The following CAMTA1 variants were observed in gnomAD, a reference collection of about 807,000 sequenced individuals.
The protein encoded by CAMTA1 is calmodulin-binding transcription activator 1.
A neutral mutation model predicts 170.9 loss-of-function variants in CAMTA1; 27 were observed. The observed-to-expected ratio is 0.16, with a 90% CI of 0.12 to 0.22. CAMTA1 has a LOEUF of 0.22. Ranked by LOEUF, CAMTA1 falls within the 10% of genes least tolerant of loss-of-function variation. The pLI, the probability that CAMTA1 is intolerant of heterozygous loss-of-function variation, is 1.00. For synonymous variants in CAMTA1, 833 were observed against 891.5 expected (o/e 0.93, Z 1.17); for missense variants, 1,619 against 2,217.2 (o/e 0.73, Z 5.42).
At position 7,309,283 on chromosome 1, in the gene CAMTA1, GA is replaced by G. The variant is rs1375305801; in HGVS notation, c.438+59661del. Among the ~76,000 whole-genome samples the G allele has an allele frequency of 5.1e-3, 630 of 122,704 alleles. 15 individuals are homozygous for G. Among genetic ancestry groups the G allele is most frequent in the East Asian group, 0.031 (117 of 3,748 alleles). The allele number at this position is 122,704 out of a possible 152,430, so 80.5% of individuals were successfully genotyped here. Reference sequence around the variant, plus strand: ...CTCTGTCTTTTCATTATTGCAGTTAGAAAATTTTTTTTTTTTTTTTTTTTTT... The same window carrying G: ...CTCTGTCTTTTCATTATTGCAGTTAGAAATTTTTTTTTTTTTTTTTTTTTT... On this transcript the variant is annotated intron_variant, in intron 5 of 22. Transcript: ENST00000303635.
rs575175446 is a variant in CAMTA1, at chr1:7,234,874, C to T, written c.303-14617C>T. 6.6e-6 allele frequency among the ~76,000 whole-genome samples: 1 copy of T among 151,026 alleles called. No individual in the cohort carries two copies. Among genetic ancestry groups the T allele is most frequent in the East Asian group, 2.0e-4 (1 of 5,092 alleles). On this transcript the variant is annotated intron_variant, in intron 4 of 22. Transcript: ENST00000303635. The surrounding 1 kb of genome is among the most constrained non-coding windows in gnomAD (Gnocchi z 5.0). ...TGATCATAGCTCACTGCAACCTCCA[C>T]TTCCCAGGTTCAAGCGATTCTTGCA...
At position 7,665,354 on chromosome 1, in the gene CAMTA1, C is replaced by T. The variant is rs4908672; in HGVS notation, c.2652+155C>T. Among the ~76,000 whole-genome samples the T allele has an allele frequency of 0.33, 49,551 of 152,044 alleles. 8,634 individuals carry two copies. Among genetic ancestry groups the T allele is most frequent in the Non-Finnish European group, 0.39 (26,291 of 67,960 alleles). ...CTTTCCCCTCCTTGTGTCCCCACGG[C>T]GCTTGAACACCTCCGTCTTTCACGC... On this transcript the variant is annotated intron_variant, in intron 9 of 22. Coordinates refer to ENST00000303635, the MANE Select transcript of CAMTA1 (RefSeq NM_015215.4). This position sits in a 1 kb window ranked among gnomAD's most constrained non-coding sequence, Gnocchi z 4.3.
At chr1:7,358,534 C>T (rs1168072360) in intron 5 of CAMTA1, among the ~76,000 whole-genome samples, 1 of 144,168 alleles carries the variant, frequency 6.9e-6, no homozygotes, top group Non-Finnish European at 1.5e-5. Context: ...TCCAGCGTCC[C>T]TGCATGCCCC....
At chr1:7,350,396 A>G (rs1223193510) in intron 5 of CAMTA1, among the ~76,000 whole-genome samples, 2 of 152,202 alleles carry the variant, frequency 1.3e-5, no homozygotes, top group African/African-American at 2.4e-5. Context: ...GTGCACAGTC[A>G]CATAGTTGCA....
In CAMTA1 at chr1:7,011,000, G is replaced by A. The variant is rs746917383; in HGVS notation, c.235-80304G>A. On this transcript the variant is annotated intron_variant, in intron 3 of 22. Transcript: ENST00000303635. The surrounding 1 kb of genome is among the most constrained non-coding windows in gnomAD (Gnocchi z 4.4). The stretch of plus-strand genomic sequence containing the variant: ...TCCAGCCCTGATCTCTGGGGCAAAT[G>A]AATGTTCCAACCCCAAACATCCCCA... Among the ~76,000 whole-genome samples, 1 of 152,160 alleles carries A rather than the reference G, an allele frequency of 6.6e-6. No individual in the cohort carries two copies. Among genetic ancestry groups the A allele is most frequent in the African/African-American group, 2.4e-5 (1 of 41,450 alleles).
At chr1:6,989,532 G>A (rs981427884) in intron 3 of CAMTA1, among the ~76,000 whole-genome samples, 8 of 152,188 alleles carry the variant, frequency 5.3e-5, no homozygotes, top group Admixed American at 5.2e-4. Context: ...GGAATTGAAA[G>A]TTTTTTTTCC....
chr1:7,381,506 A>G (rs1297934045), intron 5 of CAMTA1, among the ~76,000 whole-genome samples: 2 of 151,806 alleles, frequency 1.3e-5, no homozygotes, highest in African/African-American at 2.4e-5. Context: ...ATGGCTGCAT[A>G]GTATTCCATG....
intron 3 of CAMTA1, among the ~76,000 whole-genome samples, chr1:7,021,251 A>C (rs1213578859): frequency 6.6e-6 from 1 of 152,188 alleles, no homozygotes; most frequent in Admixed American, 6.5e-5. Context: ...GCAGTGAAAA[A>C]TGGGGCGGTG....
intron 5 of CAMTA1, among the ~76,000 whole-genome samples, chr1:7,267,562 T>G (rs1363863688): frequency 1.3e-5 from 2 of 152,190 alleles, no homozygotes; most frequent in African/African-American, 4.8e-5. Flanking sequence ...GCCTGTGACA[T>G]ACTCCATATT....
rs1641666326 is a variant in CAMTA1, at chr1:7,093,042, A to G, written c.302+1671A>G. Reference sequence around the variant, plus strand: ...GAGTGGGGGCAGGGGTGGGCGGTGGAGAGGATGGGAATACAGTGCACTATT... The same window carrying G: ...GAGTGGGGGCAGGGGTGGGCGGTGGGGAGGATGGGAATACAGTGCACTATT... On this transcript the variant is annotated intron_variant, in intron 4 of 22. Transcript: ENST00000303635. The surrounding 1 kb of genome is among the most constrained non-coding windows in gnomAD (Gnocchi z 4.6). Among the ~76,000 whole-genome samples the G allele has an allele frequency of 2.0e-5, 3 of 152,150 alleles. No homozygotes were observed. Among genetic ancestry groups the G allele is most frequent in the African/African-American group, 4.8e-5 (2 of 41,432 alleles).
Position 6,835,235 on chromosome 1 carries a change from T to G in CAMTA1, c.234+10025T>G, listed in dbSNP as rs148532271. Among the ~76,000 whole-genome samples, 39 of 152,338 alleles carry G rather than the reference T, an allele frequency of 2.6e-4. No individual in the cohort carries two copies. The South Asian group carries it at 2.9e-3, about 11-fold the overall frequency. On this transcript the variant is annotated intron_variant, in intron 3 of 22. Coordinates refer to ENST00000303635, the MANE Select transcript of CAMTA1 (RefSeq NM_015215.4). ...TGTTAAGGTGCAAATGAGGATCCAG[T>G]TTGGGCCCACATTTTTCTAAGTTGG...
In CAMTA1 at chr1:6,990,819, ATT is replaced by A. The variant is rs1219409232; in HGVS notation, c.235-100483_235-100482del. 2.3e-3 allele frequency among the ~76,000 whole-genome samples: 326 copies of A among 138,908 alleles called. 1 individual carries two copies. Among genetic ancestry groups the A allele is most frequent in the African/African-American group, 7.8e-3 (281 of 36,106 alleles). 91.1% of individuals were successfully genotyped at this position (138,908 alleles called of 152,430 possible). A position where few individuals can be genotyped will look rare whatever the true frequency, so the allele number is the denominator to read the frequency against. On this transcript the variant is annotated intron_variant, in intron 3 of 22. Transcript: ENST00000303635. ...TCTCTCTCTCTCTATATATATATAT[ATT>A]TATATATATATGTGTGTGTGTGTTT...
chr1:7,157,916 T>C (rs6656467), intron 4 of CAMTA1, among the ~76,000 whole-genome samples: 50,043 of 151,906 alleles, frequency 0.33, 8,675 homozygotes, highest in African/African-American at 0.44. Context: ...TCCCAGCACT[T>C]TGGGAGGCCG....
Position 7,436,957 on chromosome 1 carries a change from G to C in CAMTA1, c.439-30873G>C, listed in dbSNP as rs190051724. ...AGCTGTGGGCAAAGCCTGCACGTTGGGGGGAATGGCAGGGCACAGCGGCAT... is the reference window on the plus strand; with the variant it reads ...AGCTGTGGGCAAAGCCTGCACGTTGCGGGGAATGGCAGGGCACAGCGGCAT... On this transcript the variant is annotated intron_variant, in intron 5 of 22. Transcript: ENST00000303635. 1.8e-4 allele frequency among the ~76,000 whole-genome samples: 27 copies of C among 152,252 alleles called. No individual in the cohort carries two copies. The East Asian group carries it at 2.1e-3, about 12-fold the overall frequency.
At chr1:6,849,005 T>C (rs1033753120) in intron 3 of CAMTA1, among the ~76,000 whole-genome samples, 1 of 152,204 alleles carries the variant, frequency 6.6e-6, no homozygotes, top group Admixed American at 6.5e-5. Context: ...GTTGCCCCTG[T>C]GGGAAAGGGT....
chr1:7,206,451 ACTGATTT>A (rs1657750441), intron 4 of CAMTA1, among the ~76,000 whole-genome samples: 1 of 152,144 alleles, frequency 6.6e-6, no homozygotes, highest in South Asian at 2.1e-4. Flanking sequence ...TCTTTGTAGT[ACTGATTT>A]CTGAGTGCCA....
rs145683920 is a variant in CAMTA1, at chr1:7,567,549, G to A, written c.511-72851G>A. 2.1e-3 allele frequency among the ~76,000 whole-genome samples: 317 copies of A among 152,342 alleles called. 2 individuals carry two copies. Among genetic ancestry groups the A allele is most frequent in the African/African-American group, 7.5e-3 (312 of 41,576 alleles). On this transcript the variant is annotated intron_variant, in intron 6 of 22. Transcript: ENST00000303635. ...GGATGGGAGACGTGCTTTGGAGACA[G>A]GCCAATAGGCCCAACCCCTGTGCCA...
chr1:7,480,047 G>C (rs1020720310), intron 6 of CAMTA1, among the ~76,000 whole-genome samples: 4 of 151,800 alleles, frequency 2.6e-5, no homozygotes, highest in African/African-American at 9.7e-5. Context: ...GTCCATGTGT[G>C]AGTCCGTATG....
Position 7,672,642 on chromosome 1 carries a change from G to A in CAMTA1, c.2779+1605G>A, listed in dbSNP as rs949897565. 2.6e-5 allele frequency among the ~76,000 whole-genome samples: 4 copies of A among 151,988 alleles called. No individual in the cohort carries two copies. In the South Asian group the frequency reaches 6.2e-4, roughly 24 times the overall value. Reference sequence around the variant, plus strand: ...TCACCATGTTGGCCAGGCTGGTCTCGAACTCCTGACGCAAGTGATCCGCCC... The same window carrying A: ...TCACCATGTTGGCCAGGCTGGTCTCAAACTCCTGACGCAAGTGATCCGCCC... On this transcript the variant is annotated intron_variant, in intron 10 of 22. Transcript: ENST00000303635.
Sources: allele counts gnomAD v4.1 joint callset (sites outside exome capture counted in the v4.1 genomes callset), GRCh38; gene constraint gnomAD v4.1.1; non-coding constraint Gnocchi (gnomAD v3.1); transcripts MANE v1.5; gene names NCBI Gene and HGNC (gene_info 2026-07-23, HGNC 2026-07-21).